The following XRN2 variants were observed in gnomAD, a reference collection of about 807,000 sequenced individuals.
XRN2 encodes the protein 5'-3' exoribonuclease 2.
A neutral mutation model predicts 138.5 loss-of-function variants in XRN2; 44 were observed. The ratio of observed to expected loss-of-function variants is 0.32; its 90% CI spans 0.25 to 0.41. XRN2 has a LOEUF of 0.41. Ranked by LOEUF, XRN2 falls within the 10% of genes least tolerant of loss-of-function variation. The pLI, the probability that XRN2 is intolerant of heterozygous loss-of-function variation, is 1.00. For missense variants in XRN2, 937 were observed against 1,169.3 expected, an observed-to-expected ratio of 0.80 and a Z score of 2.90; for synonymous variants, 354 against 369.4, an observed-to-expected ratio of 0.96 and a Z score of 0.48.
At chr20:21,328,497 A>G in intron 3 of XRN2, 62 bp from the exon 4 acceptor site, 3 of 1,462,088 alleles carry the variant, frequency 2.1e-6, no homozygotes, top group Non-Finnish European at 2.8e-6. Context: ...GATTCAAAAT[A>G]AGGTACAGAT....
At chr20:21,368,326 A>G (rs955681859) in intron 26 of XRN2, 137 bp from the exon 27 acceptor site, 2 of 1,026,912 alleles carry the variant, frequency 1.9e-6, no homozygotes, top group South Asian at 4.7e-5. Flanking sequence ...ATTATAAACC[A>G]CCTTTTTGTT....
Position 21,348,152 on chromosome 20 carries a change from G to A in XRN2, c.1672G>A (p.Ala558Thr). Reference sequence around the variant, plus strand: ...ACTTTTTTAATGATTCTAGGGCTGTGCTTCCTGGAAGTGGTATTATCCATT... The same window carrying A: ...ACTTTTTTAATGATTCTAGGGCTGTACTTCCTGGAAGTGGTATTATCCATT... ...WVLRYYYQGC[A>T]SWKWYYPFHY... Residue 558 changes from alanine (A) to threonine (T), a missense_variant, in exon 18 of 30, where the codon GCT (alanine) becomes ACT (threonine). Transcript: ENST00000377191. The A allele has an allele frequency of 1.2e-6, 2 of 1,609,214 alleles. No individual in the cohort carries two copies. The highest frequency in any genetic ancestry group is 1.7e-6 in the Non-Finnish European group (2 of 1,178,808).
chr20:21,325,596 A>C (rs1174255803), intron 1 of XRN2, among the ~76,000 whole-genome samples: 1 of 152,204 alleles, frequency 6.6e-6, no homozygotes, highest in Non-Finnish European at 1.5e-5. Context: ...TTCTGAAAGA[A>C]GCATCATGTG....
At chr20:21,314,234 A>G (rs371954639) in intron 1 of XRN2, among the ~76,000 whole-genome samples, 4 of 152,180 alleles carry the variant, frequency 2.6e-5, no homozygotes, top group African/African-American at 9.6e-5. Context: ...ATGTTTTCAA[A>G]GTTCACCCAT....
rs1394274839 is a variant in XRN2, at chr20:21,307,817, A to G, written c.75+4344A>G. 5.2e-5 allele frequency among the ~76,000 whole-genome samples: 4 copies of G among 77,574 alleles called. 2 individuals carry two copies. The Admixed American group carries it at 6.2e-4, about 12-fold the overall frequency. The allele number at this position is 77,574 out of a possible 152,430, so 50.9% of individuals were successfully genotyped here. On this transcript the variant is annotated intron_variant, in intron 1 of 29. Transcript: ENST00000377191. ...ACCGTATGATAAGTTTTCATTTTCT[A>G]TAATTTTTTATAAATGAGATTATAT...
chr20:21,382,036 T>C lies in XRN2; in HGVS notation c.2627T>C (p.Phe876Ser). 1 of 1,599,984 alleles carries C rather than the reference T, an allele frequency of 6.3e-7. No individual in the cohort carries two copies. Among genetic ancestry groups the C allele is most frequent in the South Asian group, 1.1e-5 (1 of 89,698 alleles). Reference protein sequence around the residue: ...QDSWRGPPPLFQQQRFDRGVG... With the variant: ...QDSWRGPPPLSQQQRFDRGVG... ...TCCTGGCGAGGTCCTCCTCCCCTTT[T>C]CCAGCAGCAAAGGTTTGACAGGTAA... Residue 876 changes from phenylalanine to serine, a missense_variant, in exon 28 of 30, where the codon TTC becomes TCC. Coordinates refer to ENST00000377191, the MANE Select transcript of XRN2 (RefSeq NM_012255.5).
intron 21 of XRN2, among the ~76,000 whole-genome samples, chr20:21,355,572 CA>C (rs1458477220): frequency 1.3e-5 from 2 of 152,052 alleles, no homozygotes; most frequent in Non-Finnish European, 2.9e-5. Context: ...CTTTATCTTG[CA>C]GTATATTCAT....
chr20:21,386,747 C>A, intron 28 of XRN2, 121 bp from the exon 29 acceptor site: 1 of 1,255,226 alleles, frequency 8.0e-7, no homozygotes, highest in Non-Finnish European at 1.1e-6. Context: ...ACTCTGTATC[C>A]CATATGATAA....
intron 27 of XRN2, among the ~76,000 whole-genome samples, chr20:21,381,547 T>C (rs2038883275): frequency 6.6e-6 from 1 of 152,228 alleles, no homozygotes; most frequent in Non-Finnish European, 1.5e-5. Context: ...ATGAAAGCAA[T>C]TTATGCCTTC....
intron 23 of XRN2, among the ~76,000 whole-genome samples, chr20:21,356,951 C>T (rs373584410): frequency 1.3e-5 from 2 of 152,258 alleles, no homozygotes; most frequent in Admixed American, 6.5e-5. Context: ...TTTTCTTACA[C>T]TTTCTCTCTT....
In XRN2 at chr20:21,326,589, A is replaced by C. The variant is rs78434796; in HGVS notation, c.303A>C (p.Ala101=). The change falls in exon 3 of 30, where the codon GCA becomes GCC. Residue 101 remains alanine (A), a synonymous_variant. Coordinates refer to ENST00000377191, the MANE Select transcript of XRN2 (RefSeq NM_012255.5). ...IVRPRRLLYM[A]IDGVAPRAKM... ...GACCAAGAAGACTTCTCTACATGGC[A>C]ATAGATGGAGTGGTAAGTGCTAAAA... 328 of 1,613,532 alleles carry C rather than the reference A, an allele frequency of 2.0e-4. 2 individuals are homozygous for C. The African/African-American group carries it at 4.0e-3, about 20-fold the overall frequency.
At chr20:21,387,762 A>G (rs185160616) in intron 29 of XRN2, among the ~76,000 whole-genome samples, 22 of 152,340 alleles carry the variant, frequency 1.4e-4, no homozygotes, top group African/African-American at 5.3e-4. Context: ...TGGCACCTGC[A>G]GTGATGTGAA....
intron 14 of XRN2, among the ~76,000 whole-genome samples, chr20:21,340,113 A>G (rs2038351984): frequency 1.3e-5 from 2 of 152,142 alleles, no homozygotes; most frequent in South Asian, 4.1e-4. Flanking sequence ...CTAGCAAGGC[A>G]AAGGGTAAAT....
At chr20:21,354,613 T>A (rs2038553751) in intron 20 of XRN2, among the ~76,000 whole-genome samples, 176 bp from the exon 21 acceptor site, 1 of 152,224 alleles carries the variant, frequency 6.6e-6, no homozygotes, top group African/African-American at 2.4e-5. Context: ...CTTCTGCAAC[T>A]ACAGGGGAAA....
chr20:21,353,256 ATATATATATC>A (rs1327790383), intron 20 of XRN2, among the ~76,000 whole-genome samples: 5 of 15,086 alleles, frequency 3.3e-4, no homozygotes, highest in African/African-American at 5.9e-4. Flanking sequence ...ATATATATAT[ATATATATATC>A]TCTTAAATGT....
chr20:21,385,502 A>T (rs2038928366), intron 28 of XRN2, among the ~76,000 whole-genome samples: 1 of 152,226 alleles, frequency 6.6e-6, no homozygotes, highest in Admixed American at 6.5e-5. Context: ...CTGAGATAAA[A>T]ACTTATTTTT....
intron 3 of XRN2, among the ~76,000 whole-genome samples, chr20:21,326,966 G>A (rs2038137204): frequency 6.6e-6 from 1 of 152,168 alleles, no homozygotes; most frequent in Non-Finnish European, 1.5e-5. Context: ...AAGGAAGTTA[G>A]GATATAGAGA....
intron 14 of XRN2, among the ~76,000 whole-genome samples, chr20:21,339,678 T>A (rs2038346237): frequency 6.6e-6 from 1 of 152,222 alleles, no homozygotes; most frequent in Admixed American, 6.5e-5. Flanking sequence ...CTCACTGACA[T>A]CATACCTTTT....
chr20:21,328,697 A>AT (rs769803106), intron 4 of XRN2, 27 bp downstream of exon 4: 1 of 1,601,918 alleles, frequency 6.2e-7, no homozygotes, highest in South Asian at 1.1e-5. Context: ...TTGAAGTTGG[A>AT]TTTTTTCATA....
Sources: gnomAD v4.1 joint callset for allele counts (sites outside exome capture counted in the v4.1 genomes callset) on GRCh38, gnomAD v4.1.1 for gene constraint, MANE v1.5 for transcripts, NCBI Gene and HGNC (gene_info 2026-07-23, HGNC 2026-07-21) for gene names.